AGPAT3: variants seen among roughly 807,000 people sequenced by gnomAD.
AGPAT3 encodes the protein 1-acylglycerol-3-phosphate O-acyltransferase 3, also known as 1-acyl-sn-glycerol-3-phosphate acyltransferase gamma.
A neutral mutation model predicts 47.3 loss-of-function variants in AGPAT3; 5 were observed. The ratio of observed to expected loss-of-function variants is 0.11; its 90% CI spans 0.06 to 0.22. The LOEUF (loss-of-function observed/expected upper bound fraction) is 0.22. Among genes scored for constraint, AGPAT3 ranks in the 10% least tolerant of loss-of-function variants. The pLI is 1.00. For synonymous variants in AGPAT3, 212 were observed against 208.3 expected (o/e 1.02, Z -0.15); for missense variants, 315 against 493.0 (o/e 0.64, Z 3.42).
At chr21:43,961,748 G>A (rs572511811) in intron 3 of AGPAT3, among the ~76,000 whole-genome samples, 13 of 151,036 alleles carry the variant, frequency 8.6e-5, no homozygotes, top group African/African-American at 3.2e-4. Context: ...CGGTGAGCGC[G>A]TATACACTTT....
chr21:43,905,155 ATATTTATTTATTTATTTATTTATT>A (rs71334019), intron 2 of AGPAT3, among the ~76,000 whole-genome samples: 47 of 138,542 alleles, frequency 3.4e-4, no homozygotes, highest in East Asian at 8.3e-4. Context: ...TTTAAAAAAA[ATATTTATTTATTTATTTATTTATT>A]TATTTATTTA....
chr21:43,981,072 G>A lies in AGPAT3; in HGVS notation c.927G>A (p.Leu309=). The change falls in exon 9 of 10, where the codon CTG becomes CTA. Residue 309 remains leucine, a synonymous_variant. Transcript: ENST00000291572. This position sits in a 1 kb window ranked among gnomAD's most constrained non-coding sequence, Gnocchi z 5.3. ...CTGCCCGGAGGCCGTGGACCCTCCT[G>A]AACTTCCTGTCCTGGGCCACCATTC... is the stretch of plus-strand genomic sequence containing the variant. ...FKPARRPWTL[L]NFLSWATILL... is the part of the protein sequence containing the mutation. 6.2e-7 allele frequency: 1 copy of A among 1,614,206 alleles called. No homozygotes were observed. Among genetic ancestry groups the A allele is most frequent in the Non-Finnish European group, 8.5e-7 (1 of 1,180,036 alleles).
chr21:43,944,895 G>T (rs998076646), intron 2 of AGPAT3, among the ~76,000 whole-genome samples: 1 of 152,204 alleles, frequency 6.6e-6, no homozygotes, highest in African/African-American at 2.4e-5. Context: ...GGTGCGGGGG[G>T]GCCACGTGCC....
intron 1 of AGPAT3, among the ~76,000 whole-genome samples, chr21:43,887,030 A>G (rs556937460): frequency 3.9e-5 from 6 of 152,318 alleles, no homozygotes; most frequent in Admixed American, 3.9e-4. Context: ...ACTGCTCTCA[A>G]TAGTGGTTGT....
intron 7 of AGPAT3, among the ~76,000 whole-genome samples, chr21:43,972,772 T>C (rs1169965499): frequency 6.6e-6 from 1 of 152,234 alleles, no homozygotes; most frequent in Non-Finnish European, 1.5e-5. Flanking sequence ...CAAATCATCA[T>C]TTCAGGCAGG....
At chr21:43,924,982 C>G (rs1487128533) in intron 2 of AGPAT3, 2 of 152,294 alleles carry the variant, frequency 1.3e-5, no homozygotes, top group Non-Finnish European at 2.9e-5. Context: ...CTTTGCGAGT[C>G]CTTCCTCACT....
intron 1 of AGPAT3, among the ~76,000 whole-genome samples, chr21:43,888,985 T>A (rs890615476): frequency 3.2e-4 from 44 of 136,532 alleles, no homozygotes; most frequent in Middle Eastern, 7.3e-3. Context: ...TGAGAACTTG[T>A]CTCAAAAAAA....
chr21:43,964,164 C>T (rs947104464), intron 3 of AGPAT3, among the ~76,000 whole-genome samples: 1 of 150,186 alleles, frequency 6.7e-6, no homozygotes, highest in Admixed American at 6.7e-5. Flanking sequence ...GTGGGCGGAT[C>T]ACCTGAGGTC....
intron 1 of AGPAT3, among the ~76,000 whole-genome samples, chr21:43,886,391 T>C (rs1303125785): frequency 1.3e-5 from 2 of 152,108 alleles, no homozygotes; most frequent in African/African-American, 4.8e-5. Flanking sequence ...ATAGCTGGGA[T>C]TACAGCCATA....
At chr21:43,891,423 G>A (rs2086100363) in intron 1 of AGPAT3, among the ~76,000 whole-genome samples, 1 of 152,150 alleles carries the variant, frequency 6.6e-6, no homozygotes, top group African/African-American at 2.4e-5. Flanking sequence ...CACGAGGTTA[G>A]GAGATTGAGA....
intron 2 of AGPAT3, among the ~76,000 whole-genome samples, chr21:43,935,185 T>C (rs973967890): frequency 9.2e-5 from 14 of 152,262 alleles, no homozygotes; most frequent in African/African-American, 3.1e-4. Context: ...CGTGCCGCGC[T>C]AGCACGCTTT....
intron 2 of AGPAT3, among the ~76,000 whole-genome samples, chr21:43,958,992 GGT>G (rs1294740352): frequency 5.6e-5 from 8 of 142,172 alleles, no homozygotes; most frequent in Non-Finnish European, 1.1e-4. Flanking sequence ...TGTGGTTTGC[GGT>G]GTGTGTGTAG....
chr21:43,941,398 A>G (rs535268640), intron 2 of AGPAT3, among the ~76,000 whole-genome samples: 30 of 152,306 alleles, frequency 2.0e-4, no homozygotes, highest in Non-Finnish European at 3.4e-4. Context: ...AACGATCAAT[A>G]CTATTTACAA....
intron 8 of AGPAT3, among the ~76,000 whole-genome samples, chr21:43,980,516 G>C (rs546534947): frequency 1.3e-5 from 2 of 152,338 alleles, no homozygotes; most frequent in Admixed American, 1.3e-4. Context: ...AGCCTCCTTT[G>C]CCAGGCTAGG....
In AGPAT3 at chr21:43,987,491, A is replaced by T. The variant is rs193099616; in HGVS notation, c.*5099A>T. ...CCTAAGTGGCATGTATACATCCAAA[A>T]CTACTCTTTTTTTGTAAAAACATTC... On this transcript the variant is annotated 3_prime_UTR_variant, in exon 10 of 10. Transcript: ENST00000291572. Among the ~76,000 whole-genome samples, 665 of 152,290 alleles carry T rather than the reference A, an allele frequency of 4.4e-3. 6 individuals are homozygous for T. Among genetic ancestry groups the T allele is most frequent in the African/African-American group, 0.015 (633 of 41,522 alleles).
intron 1 of AGPAT3, among the ~76,000 whole-genome samples, chr21:43,871,719 A>G (rs1040822787): frequency 1.3e-5 from 2 of 151,688 alleles, no homozygotes; most frequent in Non-Finnish European, 2.9e-5. Flanking sequence ...TGCTTCATCC[A>G]TTTTTCTTTT....
At chr21:43,912,268 C>T (rs766494204) in intron 2 of AGPAT3, among the ~76,000 whole-genome samples, 10 of 152,258 alleles carry the variant, frequency 6.6e-5, no homozygotes, top group East Asian at 5.8e-4. Context: ...AATCCTGGCA[C>T]GCGAGCAAAG....
chr21:43,888,320 T>G (rs894723902), intron 1 of AGPAT3, among the ~76,000 whole-genome samples: 1 of 152,202 alleles, frequency 6.6e-6, no homozygotes, highest in East Asian at 1.9e-4. Flanking sequence ...AATGACAGGC[T>G]TGCATCACTG....
At chr21:43,921,850 C>T (rs1052694505) in intron 2 of AGPAT3, among the ~76,000 whole-genome samples, 4 of 152,202 alleles carry the variant, frequency 2.6e-5, no homozygotes, top group South Asian at 2.1e-4. Flanking sequence ...ATACTAACCT[C>T]CTGACAGCCT....
Sources: allele counts gnomAD v4.1 joint callset (sites outside exome capture counted in the v4.1 genomes callset), GRCh38; gene constraint gnomAD v4.1.1; non-coding constraint Gnocchi (gnomAD v3.1); transcripts MANE v1.5; gene names NCBI Gene and HGNC (gene_info 2026-07-23, HGNC 2026-07-21).